Variants in RBFOX1 observed in about 807,000 individuals in gnomAD.
RBFOX1 encodes RNA binding protein fox-1 homolog 1.
In RBFOX1, 8 loss-of-function variants were observed where a neutral mutation model predicts 57.7. The observed-to-expected ratio is 0.14, with a 90% CI of 0.08 to 0.25. RBFOX1 has a LOEUF of 0.25. Ranked by LOEUF, RBFOX1 falls within the 10% of genes least tolerant of loss-of-function variation. The probability of loss-of-function intolerance (pLI) is 1.00; values close to 1 mark genes in which losing one functional copy is unlikely to be tolerated. For synonymous variants in RBFOX1, 326 were observed against 222.4 expected (o/e 1.47, Z -4.15); for missense variants, 611 against 548.5 (o/e 1.11, Z -1.14).
intron 5 of RBFOX1, among the ~76,000 whole-genome samples, chr16:7,536,619 AAAAG>A (rs1363252240): frequency 7.9e-5 from 12 of 152,318 alleles, no homozygotes; most frequent in East Asian, 5.8e-4. Flanking sequence ...ATTAATAAAT[AAAAG>A]AAAGACATGC....
chr16:7,086,721 T>TACACACACACACACACACACACAGACAC (rs71280731), intron 4 of RBFOX1, among the ~76,000 whole-genome samples: 2 of 149,476 alleles, frequency 1.3e-5, no homozygotes, highest in African/African-American at 5.0e-5. Context: ...GAAGAATGTA[T>TACACACACACACACACACACACAGACAC]ACACACACAC....
At chr16:7,694,409 A>G (rs1450683011) in intron 14 of RBFOX1, among the ~76,000 whole-genome samples, 1 of 152,204 alleles carries the variant, frequency 6.6e-6, no homozygotes, top group African/African-American at 2.4e-5. Flanking sequence ...AAGGACAGAG[A>G]GCTAGGAACA....
intron 1 of RBFOX1, among the ~76,000 whole-genome samples, chr16:6,117,772 C>A (rs531346057): frequency 6.6e-6 from 1 of 152,162 alleles, no homozygotes; most frequent in Non-Finnish European, 1.5e-5. Flanking sequence ...TGGAGTAAGA[C>A]GCTATCTAAG....
chr16:6,477,935 C>A (rs888262767), intron 2 of RBFOX1, among the ~76,000 whole-genome samples: 2 of 152,162 alleles, frequency 1.3e-5, no homozygotes, highest in Non-Finnish European at 2.9e-5. Context: ...CATGAACCAA[C>A]CTCTGCTAGC....
intron 4 of RBFOX1, among the ~76,000 whole-genome samples, chr16:7,430,357 G>A (rs1354576094): frequency 1.3e-5 from 2 of 152,070 alleles, no homozygotes; most frequent in Non-Finnish European, 2.9e-5. Context: ...TTCCTTCTTT[G>A]AATTAAAAAT....
chr16:6,880,591 G>C lies in RBFOX1; in HGVS notation c.-15-171466G>C, dbSNP rs117795035. Among the ~76,000 whole-genome samples the C allele has an allele frequency of 7.8e-3, 1,187 of 152,042 alleles. 10 individuals are homozygous for C. The highest frequency in any genetic ancestry group is 0.013 in the Non-Finnish European group (852 of 67,968). On this transcript the variant is annotated intron_variant, in intron 3 of 15. Transcript: ENST00000550418. ...AAGGCCAGAATCTGTTTTTCTTTCT[G>C]GACTGTCTGAAATGTGAACTGGAAG...
intron 1 of RBFOX1, among the ~76,000 whole-genome samples, chr16:6,236,743 G>A (rs1206570615): frequency 3.3e-5 from 5 of 152,114 alleles, no homozygotes; most frequent in Non-Finnish European, 5.9e-5. Flanking sequence ...GAGCCACCAC[G>A]TCTGGCCTTA....
At chr16:7,216,990 TCCTTCCTCCCTCCCTC>T (rs1225967459) in intron 4 of RBFOX1, among the ~76,000 whole-genome samples, 11 of 106,628 alleles carry the variant, frequency 1.0e-4, no homozygotes, top group Non-Finnish European at 1.7e-4. Flanking sequence ...GGATTTTCCT[TCCTTCCTCCCTCCCTC>T]CCTTCCCTCC....
At chr16:7,459,608 G>A (rs909109211) in intron 4 of RBFOX1, among the ~76,000 whole-genome samples, 6 of 152,092 alleles carry the variant, frequency 3.9e-5, no homozygotes, top group African/African-American at 1.2e-4. Flanking sequence ...CTTATATTGC[G>A]GGGGGACAGT....
intron 1 of RBFOX1, among the ~76,000 whole-genome samples, chr16:5,264,670 C>T (rs1439506099): frequency 6.6e-6 from 1 of 151,982 alleles, no homozygotes; most frequent in Non-Finnish European, 1.5e-5. Flanking sequence ...CATGCATTGC[C>T]CTGTGATGGG....
intron 13 of RBFOX1, among the ~76,000 whole-genome samples, chr16:7,672,391 G>A (rs552080542): frequency 6.6e-6 from 1 of 152,174 alleles, no homozygotes; most frequent in Non-Finnish European, 1.5e-5. Context: ...TCAGTATTAT[G>A]AGTGAATTAC....
At chr16:6,128,847 C>G (rs950378903) in intron 1 of RBFOX1, among the ~76,000 whole-genome samples, 3 of 152,146 alleles carry the variant, frequency 2.0e-5, no homozygotes, top group African/African-American at 7.2e-5. Context: ...AGACCTTATG[C>G]AACACCTTGT....
chr16:6,418,778 C>A (rs997586824), intron 2 of RBFOX1, among the ~76,000 whole-genome samples: 1 of 152,150 alleles, frequency 6.6e-6, no homozygotes, highest in Non-Finnish European at 1.5e-5. Context: ...GTCCCCCTGC[C>A]TTGGCCTCCC....
chr16:6,279,520 T>C (rs1216614937), intron 1 of RBFOX1, among the ~76,000 whole-genome samples: 1 of 152,158 alleles, frequency 6.6e-6, no homozygotes, highest in Non-Finnish European at 1.5e-5. Flanking sequence ...CTTTAAACAA[T>C]TGGGACTGAT....
At chr16:6,896,676 T>G (rs916160842) in intron 3 of RBFOX1, among the ~76,000 whole-genome samples, 1 of 152,202 alleles carries the variant, frequency 6.6e-6, no homozygotes, top group African/African-American at 2.4e-5. Context: ...CAACGCCATA[T>G]AAGTGCTGCT....
At chr16:5,960,308 C>G (rs909964679) in intron 4 of RBFOX1, among the ~76,000 whole-genome samples, 2 of 152,158 alleles carry the variant, frequency 1.3e-5, no homozygotes, top group African/African-American at 4.8e-5. Flanking sequence ...TTGCAATAAA[C>G]AAACTGAGGC....
chr16:7,704,292 C>G (rs1446037364), intron 14 of RBFOX1, among the ~76,000 whole-genome samples: 2 of 152,130 alleles, frequency 1.3e-5, no homozygotes, highest in Non-Finnish European at 2.9e-5. Context: ...GAAAGCAGTC[C>G]TCTTTTATAT....
At chr16:6,004,383 G>C (rs1334583855) in intron 4 of RBFOX1, among the ~76,000 whole-genome samples, 3 of 152,100 alleles carry the variant, frequency 2.0e-5, no homozygotes, top group Non-Finnish European at 4.4e-5. Context: ...GTCATAATGA[G>C]GGTTTACATA....
chr16:7,213,870 C>T lies in RBFOX1; in HGVS notation c.27+161772C>T, dbSNP rs552898845. On this transcript the variant is annotated intron_variant, in intron 4 of 15. Coordinates refer to ENST00000550418, the MANE Select transcript of RBFOX1 (RefSeq NM_018723.4). ...AAGTCCTGCCCAGCAATAGGGGGAACGACTCAAAGACAGCTAGAGGGCTTT... is the reference window on the plus strand; with the variant it reads ...AAGTCCTGCCCAGCAATAGGGGGAATGACTCAAAGACAGCTAGAGGGCTTT... Among the ~76,000 whole-genome samples the T allele has an allele frequency of 1.3e-4, 20 of 152,232 alleles. No homozygotes were observed. The South Asian group carries it at 3.5e-3, about 27-fold the overall frequency.
Sources: gnomAD v4.1 joint callset for allele counts (sites outside exome capture counted in the v4.1 genomes callset) on GRCh38, gnomAD v4.1.1 for gene constraint, MANE v1.5 for transcripts, NCBI Gene and HGNC (gene_info 2026-07-23, HGNC 2026-07-21) for gene names.